Variants in HID1 observed in about 807,000 individuals in gnomAD.
HID1 encodes the protein HID1 domain containing, also known as protein HID1.
A neutral mutation model predicts 89.7 loss-of-function variants in HID1; 42 were observed. The ratio of observed to expected loss-of-function variants is 0.47; its 90% confidence interval spans 0.37 to 0.61. The LOEUF (loss-of-function observed/expected upper bound fraction) is 0.61, where lower values mean the gene tolerates loss of function less well. HID1 is among the 20% of genes least tolerant of loss of function. The pLI is 0.00. For synonymous variants in HID1, 442 were observed against 433.8 expected (o/e 1.02, Z -0.24); for missense variants, 854 against 1,039.3 (o/e 0.82, Z 2.45).
Position 74,961,925 on chromosome 17 carries a change from C to G in HID1, c.676G>C (p.Glu226Gln). 1 of 1,604,494 alleles carries G rather than the reference C, an allele frequency of 6.2e-7. No individual in the cohort carries two copies. Among genetic ancestry groups the G allele is most frequent in the Non-Finnish European group, 8.5e-7 (1 of 1,175,396 alleles). ...ACCCATGGGTTGGTGCTGCCACTTT[C>G]CGGAGCTGGGGGCAGGTACATGGCC... ...SEAMYLPPAP[E>Q]SGSTNPWVQF... is the part of the protein sequence containing the mutation. The change falls in exon 6 of 19, where the codon GAA becomes CAA. Residue 226 changes from glutamate to glutamine, a missense_variant. Glu to Gln is a conservative substitution (Grantham distance 29, BLOSUM62 2). Transcript: ENST00000425042.
rs377005357 is a variant in HID1, at chr17:74,959,828, T to C, written c.1008+53A>G. 1 of 1,579,676 alleles carries C rather than the reference T, an allele frequency of 6.3e-7. No individual in the cohort carries two copies. ...GGGGTCAGGATCCCCCATATCCCTG[T>C]CTCACTTGCATCCCCCTGCACCCTG... On this transcript the variant is annotated intron_variant, in intron 8 of 18. Coordinates refer to ENST00000425042, the MANE Select transcript of HID1 (RefSeq NM_030630.3). The surrounding 1 kb of genome is among the most constrained non-coding windows in gnomAD (Gnocchi z 4.6).
rs758972884 is a variant in HID1, at chr17:74,954,126, C to G, written c.1864+12G>C. ...AGTATCCACACTCCTGTCCCATCCA[C>G]TAGCACCAGACCTGGAGTAGCCACC... On this transcript the variant is annotated intron_variant, in intron 14 of 18. Coordinates refer to ENST00000425042, the MANE Select transcript of HID1 (RefSeq NM_030630.3). The G allele has an allele frequency of 8.8e-6, 14 of 1,583,508 alleles. No individual in the cohort carries two copies. Among genetic ancestry groups the G allele is most frequent in the Non-Finnish European group, 1.1e-5 (13 of 1,165,168 alleles).
intron 6 of HID1, 53 bp downstream of exon 6, chr17:74,961,820 G>A: frequency 8.6e-7 from 1 of 1,168,228 alleles, no homozygotes; most frequent in Middle Eastern, 2.1e-4. Context: ...ACTCAGCTCT[G>A]GATTGCCTGG....
Position 74,953,006 on chromosome 17 carries a change from C to A in HID1, c.2052G>T (p.Trp684Cys). ...CGCCTGGCACAGGGTCCCTCCTCAC[C>A]CACTCTGGCGTTGGGCTCCACTGCC... ...ASGQWSPTPE[W>C]VLSWKSKLPL... is the part of the protein sequence containing the mutation. The change falls in exon 16 of 19, where the codon TGG becomes TGT. Residue 684 changes from tryptophan to cysteine, a missense_variant and splice_region_variant. Coordinates refer to ENST00000425042, the MANE Select transcript of HID1 (RefSeq NM_030630.3). The A allele has an allele frequency of 6.2e-7, 1 of 1,603,782 alleles. No individual in the cohort carries two copies. The highest frequency in any genetic ancestry group is 8.5e-7 in the Non-Finnish European group (1 of 1,176,084).
Position 74,969,922 on chromosome 17 carries a change from C to CTTTT in HID1, c.66+2665_66+2668dup, listed in dbSNP as rs61436029. ...GGCCAAAATCAGATTTTTCTTTTTT[C>CTTTT]TTTTTTTTTTTTTTTTTTGAGGCAG... On this transcript the variant is annotated intron_variant, in intron 1 of 18. Coordinates refer to ENST00000425042, the MANE Select transcript of HID1 (RefSeq NM_030630.3). Among the ~76,000 whole-genome samples, 1,085 of 112,118 alleles carry CTTTT rather than the reference C, an allele frequency of 9.7e-3. 38 individuals are homozygous for CTTTT. Among genetic ancestry groups the CTTTT allele is most frequent in the African/African-American group, 0.036 (1,013 of 28,140 alleles). The allele number at this position is 112,118 out of a possible 152,430, so 73.6% of individuals were successfully genotyped here. A position where few individuals can be genotyped will look rare whatever the true frequency, so the allele number is the denominator to read the frequency against.
Position 74,962,956 on chromosome 17 carries a change from G to A in HID1, c.504+9C>T. The A allele has an allele frequency of 6.3e-7, 1 of 1,594,202 alleles. No homozygotes were observed. The highest frequency in any genetic ancestry group is 8.6e-7 in the Non-Finnish European group (1 of 1,164,016). On this transcript the variant is annotated intron_variant, in intron 4 of 18. Transcript: ENST00000425042. This position sits in a 1 kb window ranked among gnomAD's most constrained non-coding sequence, Gnocchi z 4.3. ...TCCGCCTGGGGGTGGGGGGCTGGGG[G>A]ACACTCACCACAGTGCTCCTCCGGT... is the stretch of plus-strand genomic sequence containing the variant.
In HID1 at chr17:74,963,807, T is replaced by C. The variant is rs780799313; in HGVS notation, c.320A>G (p.Tyr107Cys). 6 of 1,614,074 alleles carry C rather than the reference T, an allele frequency of 3.7e-6. No homozygotes were observed. The highest frequency in any genetic ancestry group is 2.2e-5 in the East Asian group (1 of 44,876). The change falls in exon 3 of 19, where the codon TAC becomes TGC. Residue 107 changes from tyrosine to cysteine, a missense_variant. Physicochemically the swap from Tyr to Cys is radical, Grantham distance 194. Coordinates refer to ENST00000425042, the MANE Select transcript of HID1 (RefSeq NM_030630.3). ...CCTCCAGTCGGGGTCCTCAAAGATG[T>C]AGGGCAGCACGCGGGTGAGCAGCCG... ...CSRLLTRVLP[Y>C]IFEDPDWRGF... is the part of the protein sequence containing the mutation.
In HID1 at chr17:74,952,074, AG is replaced by A. The variant is rs775631208; in HGVS notation, c.2145-12del. 3 of 1,555,028 alleles carry A rather than the reference AG, an allele frequency of 1.9e-6. No individual in the cohort carries two copies. The African/African-American group carries it at 4.1e-5, about 21-fold the overall frequency. ...TCATCCGTCAGGCCCCTGCGGGGAG[AG>A]GGGTATCTCCAGCACACTCACGTGG... On this transcript the variant is annotated splice_polypyrimidine_tract_variant and intron_variant, in intron 17 of 18. Transcript: ENST00000425042.
chr17:74,953,517 C>G, intron 15 of HID1, 28 bp downstream of exon 15: 1 of 1,594,602 alleles, frequency 6.3e-7, no homozygotes, highest in Non-Finnish European at 8.6e-7. Flanking sequence ...GCCAGCCACG[C>G]CCGGCTCCAG....
chr17:74,960,285 C>G (rs1366942677), intron 6 of HID1, 37 bp from the exon 7 acceptor site: 9 of 1,564,492 alleles, frequency 5.8e-6, no homozygotes, highest in Middle Eastern at 1.8e-4. Flanking sequence ...AGAGGCTGCA[C>G]TGGGGCCCAG....
intron 2 of HID1, 177 bp from the exon 3 acceptor site, chr17:74,964,087 T>A: frequency 1.5e-6 from 1 of 651,552 alleles, no homozygotes; most frequent in Non-Finnish European, 2.6e-6. Context: ...TCGGCCAGCC[T>A]TGGGGGACTG....
Position 74,953,669 on chromosome 17 carries a change from G to A in HID1, c.1865-18C>T, listed in dbSNP as rs1271805130. On this transcript the variant is annotated intron_variant, in intron 14 of 18. Coordinates refer to ENST00000425042, the MANE Select transcript of HID1 (RefSeq NM_030630.3). ...GTCAATGCCTGGGCAGGGCACAGGTGGGAGTGAGGACTCCCTGCCACAGTG... is the reference window on the plus strand; with the variant it reads ...GTCAATGCCTGGGCAGGGCACAGGTAGGAGTGAGGACTCCCTGCCACAGTG... The A allele has an allele frequency of 6.3e-7, 1 of 1,598,836 alleles. No homozygotes were observed.
rs775831283 is a variant in HID1 at position 74,955,964 on chromosome 17, G to A, written c.1472-8C>T. ...TCTTGAGGTAGGGGGACACTGTAAGGGAGGGGTCAGCTCACTCCTGGGCCC... is the reference window on the plus strand; with the variant it reads ...TCTTGAGGTAGGGGGACACTGTAAGAGAGGGGTCAGCTCACTCCTGGGCCC... On this transcript the variant is annotated splice_region_variant and splice_polypyrimidine_tract_variant and intron_variant, in intron 12 of 18. Transcript: ENST00000425042. The A allele has an allele frequency of 1.9e-6, 3 of 1,612,758 alleles. No individual in the cohort carries two copies. Among genetic ancestry groups the A allele is most frequent in the Non-Finnish European group, 2.5e-6 (3 of 1,179,594 alleles).
At chr17:74,960,355 A>C (rs2039460888) in intron 6 of HID1, 107 bp from the exon 7 acceptor site, 2 of 938,224 alleles carry the variant, frequency 2.1e-6, no homozygotes, top group African/African-American at 1.6e-5. Context: ...CAAGCATTTT[A>C]GCACCACGTC....
rs538892044 is a variant in HID1, at chr17:74,956,009, C to A, written c.1472-53G>T. Reference sequence around the variant, plus strand: ...GGGCCCCTCAGCCAAGCCATCCCTGCACATCCTGGGCCGGGGTGGAACAAC... The same window carrying A: ...GGGCCCCTCAGCCAAGCCATCCCTGAACATCCTGGGCCGGGGTGGAACAAC... On this transcript the variant is annotated intron_variant, in intron 12 of 18. Coordinates refer to ENST00000425042, the MANE Select transcript of HID1 (RefSeq NM_030630.3). 1.4e-5 allele frequency: 22 copies of A among 1,573,960 alleles called. No individual in the cohort carries two copies. In the South Asian group the frequency reaches 2.1e-4, roughly 15 times the overall value.
At chr17:74,957,865 A>C in intron 12 of HID1, 2 of 421,774 alleles carry the variant, frequency 4.7e-6, no homozygotes, top group South Asian at 2.3e-5. Flanking sequence ...GTGCCACTGC[A>C]CTCCAGCCTG....
intron 2 of HID1, chr17:74,964,250 A>C (rs555545084): frequency 1.7e-6 from 1 of 601,198 alleles, no homozygotes; most frequent in Non-Finnish European, 2.9e-6. Flanking sequence ...AGGGAGCTAA[A>C]TGAACTGATC....
At chr17:74,961,151 C>T (rs1409603066) in intron 6 of HID1, among the ~76,000 whole-genome samples, 6 of 152,168 alleles carry the variant, frequency 3.9e-5, no homozygotes, top group Admixed American at 2.6e-4. Context: ...ATTTTGAAAA[C>T]TTAGTATGAA....
chr17:74,971,129 T>C (rs888013795), intron 1 of HID1, among the ~76,000 whole-genome samples: 1 of 152,198 alleles, frequency 6.6e-6, no homozygotes, highest in Non-Finnish European at 1.5e-5. Flanking sequence ...GGTACTCTGC[T>C]GAGCTGGCCC....
Sources: allele counts gnomAD v4.1 joint callset (sites outside exome capture counted in the v4.1 genomes callset), GRCh38; gene constraint gnomAD v4.1.1; non-coding constraint Gnocchi (gnomAD v3.1); transcripts MANE v1.5; gene names NCBI Gene and HGNC (gene_info 2026-07-23, HGNC 2026-07-21).